MIPOL1: variants seen among roughly 807,000 people sequenced by gnomAD.
The protein encoded by MIPOL1 is mirror-image polydactyly 1.
In MIPOL1, 57 loss-of-function variants were observed where a neutral mutation model predicts 60.9. That is an observed-to-expected ratio of 0.94 (90% confidence interval 0.76 to 1.17). The LOEUF (loss-of-function observed/expected upper bound fraction) is 1.17, where lower values mean the gene tolerates loss of function less well. MIPOL1 is among the 50% of genes most tolerant of loss of function. MIPOL1 has a pLI of 0.00. For missense variants in MIPOL1, 551 were observed against 511.6 expected, an observed-to-expected ratio of 1.08 and a Z score of -0.74; for synonymous variants, 179 against 168.8, an observed-to-expected ratio of 1.06 and a Z score of -0.47.
At position 37,550,459 on chromosome 14, in the gene MIPOL1, CTAG is replaced by C. The variant is rs2095559008; in HGVS notation, c.*3491_*3493del. 1 of 150,528 alleles carries C rather than the reference CTAG, an allele frequency of 6.6e-6. No homozygotes were observed. Among genetic ancestry groups the C allele is most frequent in the Non-Finnish European group, 1.5e-5 (1 of 67,594 alleles). 9.3% of individuals were successfully genotyped at this position (150,528 alleles called of 1,614,324 possible). ...ACTGATTTTATTGTGTTGTTGGTAACTAGTATTTACAGCTAACCTATCTATTCA... is the reference window on the plus strand; with the variant it reads ...ACTGATTTTATTGTGTTGTTGGTAACTATTTACAGCTAACCTATCTATTCA... On this transcript the variant is annotated 3_prime_UTR_variant, in exon 13 of 13. Transcript: ENST00000684589.
In MIPOL1 at chr14:37,547,127, A is replaced by T; in HGVS notation, c.*156A>T. 1.6e-6 allele frequency: 1 copy of T among 609,128 alleles called. No homozygotes were observed. 37.7% of individuals were successfully genotyped at this position (609,128 alleles called of 1,614,324 possible). A position where few individuals can be genotyped will look rare whatever the true frequency, so the allele number is the denominator to read the frequency against. On this transcript the variant is annotated 3_prime_UTR_variant, in exon 13 of 13. Coordinates refer to ENST00000684589, the MANE Select transcript of MIPOL1 (RefSeq NM_001388067.1). ...AAGCTGAGATAAAATCAAATCACAAATGTTTAACCACTTTGCTGCTGACTT... is the reference window on the plus strand; with the variant it reads ...AAGCTGAGATAAAATCAAATCACAATTGTTTAACCACTTTGCTGCTGACTT...
At chr14:37,529,308 A>C (rs1345234587) in intron 12 of MIPOL1, among the ~76,000 whole-genome samples, 1 of 152,176 alleles carries the variant, frequency 6.6e-6, no homozygotes, top group African/African-American at 2.4e-5. Context: ...AGACAGCTAA[A>C]TCAAAAAAAT....
rs367694914 is a variant in MIPOL1 at position 37,505,202 on chromosome 14, A to T, written c.1262+5064A>T. ...AGAGGAGCTGGTACCATCCCTTCTG[A>T]AACTATTCCAGTCAATAGAAAAAGG... On this transcript the variant is annotated intron_variant, in intron 12 of 12. Transcript: ENST00000684589. 1.5e-4 allele frequency: 23 copies of T among 152,252 alleles called. 1 individual carries two copies. Among genetic ancestry groups the T allele is most frequent in the East Asian group, 1.3e-3 (7 of 5,204 alleles). The allele number at this position is 152,252 out of a possible 1,614,324, so 9.4% of individuals were successfully genotyped here.
intron 11 of MIPOL1, among the ~76,000 whole-genome samples, chr14:37,425,800 T>C (rs1269184135): frequency 6.6e-6 from 1 of 152,180 alleles, no homozygotes; most frequent in East Asian, 1.9e-4. Context: ...CAAATGTTAC[T>C]AAGTGGTTAA....
chr14:37,302,761 A>C (rs1326886977), intron 7 of MIPOL1, among the ~76,000 whole-genome samples: 5 of 151,492 alleles, frequency 3.3e-5, no homozygotes, highest in Non-Finnish European at 7.4e-5. Context: ...CTGTGGGTTA[A>C]TTTCTGAATT....
chr14:37,495,824 C>A (rs1176800246), intron 11 of MIPOL1, among the ~76,000 whole-genome samples: 1 of 151,786 alleles, frequency 6.6e-6, no homozygotes, highest in African/African-American at 2.4e-5. Flanking sequence ...GCCATTCTAA[C>A]TGGTGTGAGA....
At chr14:37,335,395 A>G (rs748595369) in intron 9 of MIPOL1, among the ~76,000 whole-genome samples, 1 of 152,096 alleles carries the variant, frequency 6.6e-6, no homozygotes, top group Non-Finnish European at 1.5e-5. Context: ...AAATTAAACA[A>G]TAACTCCTCA....
chr14:37,200,894 G>T (rs1244143481), intron 1 of MIPOL1, among the ~76,000 whole-genome samples: 6 of 49,904 alleles, frequency 1.2e-4, no homozygotes, highest in African/African-American at 8.3e-4. Context: ...GTGTGTGTGT[G>T]TGTGTATTTT....
intron 10 of MIPOL1, among the ~76,000 whole-genome samples, chr14:37,382,409 G>T (rs1051277938): frequency 4.0e-5 from 6 of 151,872 alleles, no homozygotes; most frequent in Non-Finnish European, 7.4e-5. Context: ...ACTTTACTAA[G>T]TATTTCTGCT....
chr14:37,219,751 G>A (rs1968422710), intron 1 of MIPOL1: 1 of 152,088 alleles, frequency 6.6e-6, no homozygotes, highest in African/African-American at 2.4e-5. Flanking sequence ...GACTGAGAGA[G>A]GTGTGATGAA....
At chr14:37,482,066 A>C (rs577471038) in intron 11 of MIPOL1, among the ~76,000 whole-genome samples, 2 of 152,200 alleles carry the variant, frequency 1.3e-5, no homozygotes, top group Non-Finnish European at 2.9e-5. Context: ...AAAAGAAAAA[A>C]ATAGACAGAT....
In MIPOL1 at chr14:37,351,061, C is replaced by A. The variant is rs1416151814; in HGVS notation, c.829-18456C>A. On this transcript the variant is annotated intron_variant, in intron 9 of 12. Coordinates refer to ENST00000684589, the MANE Select transcript of MIPOL1 (RefSeq NM_001388067.1). ...CTCCCAATGCTATCCCTCCCCCCTC[C>A]CCCCACCCCACAACGGTCCCCAGAG... 2.3e-3 allele frequency among the ~76,000 whole-genome samples: 267 copies of A among 116,488 alleles called. 8 individuals are homozygous for A. Among genetic ancestry groups the A allele is most frequent in the African/African-American group, 8.2e-3 (252 of 30,614 alleles). The allele number at this position is 116,488 out of a possible 152,430, so 76.4% of individuals were successfully genotyped here.
chr14:37,443,482 AAGG>A (rs1266759514), intron 11 of MIPOL1, among the ~76,000 whole-genome samples: 37 of 149,846 alleles, frequency 2.5e-4, no homozygotes, highest in African/African-American at 7.6e-4. Context: ...AAAAAAAAAA[AAGG>A]AGGAGGAAGA....
At chr14:37,486,053 T>A (rs1837183512) in intron 11 of MIPOL1, among the ~76,000 whole-genome samples, 1 of 152,246 alleles carries the variant, frequency 6.6e-6, no homozygotes, top group African/African-American at 2.4e-5. Context: ...TTCATATGGC[T>A]AGCCAGTTTT....
intron 9 of MIPOL1, among the ~76,000 whole-genome samples, chr14:37,329,818 G>A (rs2089512003): frequency 6.6e-6 from 1 of 152,042 alleles, no homozygotes; most frequent in Non-Finnish European, 1.5e-5. Context: ...TGCAATAACT[G>A]CCAACTTAAC....
intron 9 of MIPOL1, among the ~76,000 whole-genome samples, chr14:37,352,806 C>A: frequency 7.9e-5 from 2 of 25,378 alleles, no homozygotes; most frequent in African/African-American, 1.4e-4. Flanking sequence ...AGATTTTGGG[C>A]TGAGACAATG....
At chr14:37,455,278 C>T (rs972225432) in intron 11 of MIPOL1, among the ~76,000 whole-genome samples, 6 of 152,108 alleles carry the variant, frequency 3.9e-5, no homozygotes, top group African/African-American at 1.2e-4. Flanking sequence ...TACTAATATC[C>T]TATTCAGATC....
In MIPOL1 at chr14:37,239,336, C is replaced by T. The variant is rs1050681657; in HGVS notation, c.-198-7767C>T. ...CTGGGATTACAGGCGTGAGCCACCG[C>T]GCCTGGCCTGCTTAATTTACTTAAT... On this transcript the variant is annotated intron_variant, in intron 1 of 12. Coordinates refer to ENST00000684589, the MANE Select transcript of MIPOL1 (RefSeq NM_001388067.1). Among the ~76,000 whole-genome samples the T allele has an allele frequency of 7.9e-5, 12 of 152,184 alleles. No homozygotes were observed. The South Asian group carries it at 8.3e-4, about 11-fold the overall frequency.
rs371698335 is a variant in MIPOL1, at chr14:37,541,136, TC to T, written c.1263-5768del. Among the ~76,000 whole-genome samples, 1,069 of 152,336 alleles carry T rather than the reference TC, an allele frequency of 7.0e-3. 18 individuals are homozygous for T. Among genetic ancestry groups the T allele is most frequent in the African/African-American group, 0.023 (938 of 41,578 alleles). The stretch of plus-strand genomic sequence containing the variant: ...CACTTCAGCTACTCACTCTGGATCT[TC>T]TTGTCACTCAGAACTTTTCTACATC... On this transcript the variant is annotated intron_variant, in intron 12 of 12. Coordinates refer to ENST00000684589, the MANE Select transcript of MIPOL1 (RefSeq NM_001388067.1).
Sources: gnomAD v4.1 joint callset for allele counts (sites outside exome capture counted in the v4.1 genomes callset) on GRCh38, gnomAD v4.1.1 for gene constraint, MANE v1.5 for transcripts, NCBI Gene and HGNC (gene_info 2026-07-23, HGNC 2026-07-21) for gene names.